TNRC18: variants seen among roughly 807,000 people sequenced by gnomAD.
TNRC18 encodes the protein trinucleotide repeat containing 18.
In TNRC18, 69 loss-of-function variants were observed where a neutral mutation model predicts 226.7. That is an observed-to-expected ratio of 0.30 (90% CI 0.25 to 0.37). The LOEUF (loss-of-function observed/expected upper bound fraction) is 0.37. Among genes scored for constraint, TNRC18 ranks in the 10% least tolerant of loss-of-function variants. TNRC18 has a pLI of 1.00. For missense variants in TNRC18, 4,754 were observed against 4,256.6 expected (o/e 1.12, Z -3.25); for synonymous variants, 2,449 against 1,927.6 (o/e 1.27, Z -7.09).
At chr7:5,415,072 C>T (rs569928925) in intron 2 of TNRC18, among the ~76,000 whole-genome samples, 4 of 152,234 alleles carry the variant, frequency 2.6e-5, no homozygotes, top group Non-Finnish European at 4.4e-5. Flanking sequence ...CCTCCACTGC[C>T]TCCTCATTCC....
At chr7:5,353,109 G>A (rs144358770) in intron 16 of TNRC18, among the ~76,000 whole-genome samples, 258 of 152,274 alleles carry the variant, frequency 1.7e-3, no homozygotes, top group Non-Finnish European at 2.7e-3. Context: ...GTCCAGCCCC[G>A]CCAGGCTACC....
At chr7:5,358,287 G>A (rs578121353) in intron 15 of TNRC18, among the ~76,000 whole-genome samples, 13 of 152,264 alleles carry the variant, frequency 8.5e-5, no homozygotes, top group South Asian at 4.1e-4. Flanking sequence ...TTGTTGAAGC[G>A]AAACACGCAG....
chr7:5,370,761 C>T lies in TNRC18; in HGVS notation c.3833G>A (p.Gly1278Asp). 2 of 1,603,440 alleles carry T rather than the reference C, an allele frequency of 1.2e-6. No individual in the cohort carries two copies. Among genetic ancestry groups the T allele is most frequent in the East Asian group, 2.3e-5 (1 of 44,302 alleles). Residue 1278 changes from glycine (G) to aspartate (D), a missense_variant, in exon 11 of 30, where the codon GGC (glycine) becomes GAC (aspartate). By Grantham distance (94) the Gly-to-Asp change is moderately conservative. Transcript: ENST00000430969. ...VPVVEAVPEEGLAQVAPSESQ... is the reference protein window; with the variant it reads ...VPVVEAVPEEDLAQVAPSESQ... ...CTCGCTCGGTGCCACCTGCGCCAGGCCTTCCTCGGGCACTGCCTCCACCAC... is the reference window on the plus strand; with the variant it reads ...CTCGCTCGGTGCCACCTGCGCCAGGTCTTCCTCGGGCACTGCCTCCACCAC...
chr7:5,330,476 G>C (rs918158305), intron 19 of TNRC18, among the ~76,000 whole-genome samples: 3 of 151,528 alleles, frequency 2.0e-5, no homozygotes, highest in African/African-American at 4.9e-5. Context: ...AAAACTCCTG[G>C]CCTCAAGGGA....
intron 17 of TNRC18, among the ~76,000 whole-genome samples, chr7:5,350,848 C>T (rs1002223129): frequency 6.6e-6 from 1 of 152,146 alleles, no homozygotes; most frequent in South Asian, 2.1e-4. Context: ...CACGATGCTC[C>T]GTCCCTTGAT....
Position 5,345,787 on chromosome 7 carries a change from C to G in TNRC18, c.5494G>C (p.Glu1832Gln), listed in dbSNP as rs1225179545. The G allele has an allele frequency of 1.3e-6, 2 of 1,545,224 alleles. No homozygotes were observed. The highest frequency in any genetic ancestry group is 2.7e-5 in the African/African-American group (2 of 72,946). ...DQDESSEEED[E>Q]EEELEEEDEA... ...TCCTCCTCCTCGAGCTCCTCCTCCT[C>G]GTCCTCCTCCTCCGAGCTCTCATCT... Residue 1832 changes from glutamate (E) to glutamine (Q), a missense_variant, in exon 18 of 30, where the codon GAG becomes CAG. Coordinates refer to ENST00000430969, the MANE Select transcript of TNRC18 (RefSeq NM_001080495.3).
Position 5,389,251 on chromosome 7 carries a change from G to A in TNRC18, c.573C>T (p.Ser191=). 1 of 1,319,876 alleles carries A rather than the reference G, an allele frequency of 7.6e-7. No homozygotes were observed. Among genetic ancestry groups the A allele is most frequent in the Non-Finnish European group, 9.7e-7 (1 of 1,036,266 alleles). The allele number at this position is 1,319,876 out of a possible 1,614,324, so 81.8% of individuals were successfully genotyped here. ...PSARTPGGGH[S]SGAPAKGSSS... ...ACGAGCCTTTGGCCGGGGCGCCCGA[G>A]GAGTGGCCGCCGCCAGGGGTCCGGG... Residue 191 remains serine (S), a synonymous_variant, in exon 5 of 30, where the codon TCC becomes TCT. Coordinates refer to ENST00000430969, the MANE Select transcript of TNRC18 (RefSeq NM_001080495.3).
At position 5,324,311 on chromosome 7, in the gene TNRC18, C is replaced by T; in HGVS notation, c.6345G>A (p.Met2115Ile). Residue 2115 changes from methionine (M) to isoleucine (I), a missense_variant, in exon 21 of 30, where the codon ATG (methionine) becomes ATA (isoleucine). Physicochemically the swap from Met to Ile is conservative, Grantham distance 10. Transcript: ENST00000430969. This position sits in a 1 kb window ranked among gnomAD's most constrained non-coding sequence, Gnocchi z 4.8. ...GGAVSKLMES[M>I]AAEEDFEPNQ... Reference sequence around the variant, plus strand: ...TGGGTTCAAAGTCCTCCTCGGCTGCCATGCTCTCCATCAGCTTGCTCACGG... The same window carrying T: ...TGGGTTCAAAGTCCTCCTCGGCTGCTATGCTCTCCATCAGCTTGCTCACGG... The T allele has an allele frequency of 6.2e-7, 1 of 1,613,658 alleles. No individual in the cohort carries two copies.
At chr7:5,386,873 G>A (rs1036018244) in intron 5 of TNRC18, among the ~76,000 whole-genome samples, 29 of 152,138 alleles carry the variant, frequency 1.9e-4, no homozygotes, top group African/African-American at 6.8e-4. Context: ...TCAGGAGTTC[G>A]AGACCAGCCT....
rs760544756 is a variant in TNRC18 at position 5,388,145 on chromosome 7, C to A, written c.1679G>T (p.Arg560Leu). 1 of 1,562,800 alleles carries A rather than the reference C, an allele frequency of 6.4e-7. No homozygotes were observed. The highest frequency in any genetic ancestry group is 8.7e-7 in the Non-Finnish European group (1 of 1,155,560). The change falls in exon 5 of 30, where the codon CGC (arginine) becomes CTC (leucine). Residue 560 changes from arginine (R) to leucine (L), a missense_variant. By Grantham distance (102) the Arg-to-Leu change is moderately radical (BLOSUM62 -2). Coordinates refer to ENST00000430969, the MANE Select transcript of TNRC18 (RefSeq NM_001080495.3). ...CGGCCGGCCGCAGGTGGCCGCCGAGCGGGGCAGCACAGCCCCAGGGTCCAG... is the reference window on the plus strand; with the variant it reads ...CGGCCGGCCGCAGGTGGCCGCCGAGAGGGGCAGCACAGCCCCAGGGTCCAG... The part of the protein sequence containing the change: ...AYLDPGAVLP[R>L]SAATCGRPVA...
At chr7:5,337,381 G>A (rs922896940) in intron 18 of TNRC18, among the ~76,000 whole-genome samples, 1 of 152,086 alleles carries the variant, frequency 6.6e-6, no homozygotes, top group African/African-American at 2.4e-5. Context: ...CTACTCGGGA[G>A]GCTGAGGCAG....
At position 5,394,313 on chromosome 7, in the gene TNRC18, G is replaced by A. The variant is rs1780504653; in HGVS notation, c.343+127C>T. On this transcript the variant is annotated intron_variant, in intron 3 of 29. Coordinates refer to ENST00000430969, the MANE Select transcript of TNRC18 (RefSeq NM_001080495.3). This position sits in a 1 kb window ranked among gnomAD's most constrained non-coding sequence, Gnocchi z 4.5. ...CCCTGAGCGTTTGAGAAACAACAGG[G>A]AAGCCAGGTGACCTGGGACCCACCA... 2.3e-6 allele frequency: 2 copies of A among 855,302 alleles called. No individual in the cohort carries two copies. The highest frequency in any genetic ancestry group is 3.6e-5 in the African/African-American group (2 of 55,522). The allele number at this position is 855,302 out of a possible 1,614,324, so 53.0% of individuals were successfully genotyped here. A position where few individuals can be genotyped will look rare whatever the true frequency, so the allele number is the denominator to read the frequency against.
At chr7:5,352,133 G>A (rs757101855) in intron 16 of TNRC18, 39 bp from the exon 17 acceptor site, 38 of 1,548,200 alleles carry the variant, frequency 2.5e-5, no homozygotes, top group East Asian at 4.6e-5. Flanking sequence ...TAAGTCACAG[G>A]GCAGCAGGAG....
At position 5,312,998 on chromosome 7, in the gene TNRC18, G is replaced by T. The variant is rs1787408129; in HGVS notation, c.7893C>A (p.Ser2631=). ...AGGAGGAAGAGGAGGAGGAGGAAGA[G>T]GAGGATGAGGAGGAGGAGGAGGAGG... is the stretch of plus-strand genomic sequence containing the variant. ...SSSSSSSSSS[S]SSSSSSSSSS... is the part of the protein sequence containing the mutation. Residue 2631 remains serine (S), a synonymous_variant, in exon 27 of 30, where the codon TCC becomes TCA. Transcript: ENST00000430969. The surrounding 1 kb of genome is among the most constrained non-coding windows in gnomAD (Gnocchi z 6.3). 5 of 945,778 alleles carry T rather than the reference G, an allele frequency of 5.3e-6. No individual in the cohort carries two copies. The highest frequency in any genetic ancestry group is 8.0e-6 in the Non-Finnish European group (5 of 624,512). 58.6% of individuals were successfully genotyped at this position (945,778 alleles called of 1,614,324 possible).
chr7:5,387,947 G>A lies in TNRC18; in HGVS notation c.1877C>T (p.Thr626Ile), dbSNP rs1225173762. The A allele has an allele frequency of 5.0e-6, 8 of 1,598,458 alleles. No individual in the cohort carries two copies. The highest frequency in any genetic ancestry group is 6.8e-6 in the Non-Finnish European group (8 of 1,173,658). The change falls in exon 5 of 30, where the codon ACC (threonine) becomes ATC (isoleucine). Residue 626 changes from threonine to isoleucine, a missense_variant. Transcript: ENST00000430969. ...CTGGGCTCGGGAGGCACCCGCAGAG[G>A]TGGGCGCAGGCTCGGGTTTCATGGT... ...LGTMKPEPAP[T>I]SAGASRAQAR...
chr7:5,345,517 G>GGGGCGGGCACCCCCCCCCCACCCC, intron 18 of TNRC18, 45 bp downstream of exon 18: 1 of 377,744 alleles, frequency 2.6e-6, no homozygotes. Context: ...AATGGCGTCC[G>GGGGCGGGCACCCCCCCCCCACCCC]CCCCTCCCAC....
At position 5,332,655 on chromosome 7, in the gene TNRC18, G is replaced by T; in HGVS notation, c.6114C>A (p.Ala2038=). 6.5e-7 allele frequency: 1 copy of T among 1,531,872 alleles called. No individual in the cohort carries two copies. The highest frequency in any genetic ancestry group is 8.8e-7 in the Non-Finnish European group (1 of 1,141,612). The allele number at this position is 1,531,872 out of a possible 1,614,324, so 94.9% of individuals were successfully genotyped here. A position where few individuals can be genotyped will look rare whatever the true frequency, so the allele number is the denominator to read the frequency against. The change falls in exon 19 of 30, where the codon GCC becomes GCA. Residue 2038 remains alanine, a synonymous_variant. Transcript: ENST00000430969. ...KGGPLSPRKD[A]GRAKDRKDPR... ...GGTCCTTCCTGTCCTTTGCACGCCC[G>T]GCGTCCTTGCGCGGGCTCAGGGGGC... is the stretch of plus-strand genomic sequence containing the variant.
intron 3 of TNRC18, among the ~76,000 whole-genome samples, chr7:5,393,528 G>C (rs575059596): frequency 4.6e-5 from 7 of 152,290 alleles, no homozygotes; most frequent in African/African-American, 1.4e-4. Flanking sequence ...TGGCTGGGGA[G>C]GGCCGGAAGA....
At position 5,324,359 on chromosome 7, in the gene TNRC18, G is replaced by C; in HGVS notation, c.6301-4C>G. ...CGGCACCCCCCTTGCCGCGGTTCTG[G>C]GGACAGAACATGGCCGACAAATGAC... On this transcript the variant is annotated splice_region_variant and splice_polypyrimidine_tract_variant and intron_variant, in intron 20 of 29. Transcript: ENST00000430969. The surrounding 1 kb of genome is among the most constrained non-coding windows in gnomAD (Gnocchi z 4.8). The C allele has an allele frequency of 1.2e-6, 2 of 1,613,140 alleles. No individual in the cohort carries two copies.
Sources: allele counts gnomAD v4.1 joint callset (sites outside exome capture counted in the v4.1 genomes callset), GRCh38; gene constraint gnomAD v4.1.1; non-coding constraint Gnocchi (gnomAD v3.1); transcripts MANE v1.5; gene names NCBI Gene and HGNC (gene_info 2026-07-23, HGNC 2026-07-21).